RIPPLY3: variants seen among roughly 807,000 people sequenced by gnomAD.
The protein encoded by RIPPLY3 is ripply transcriptional repressor 3, also known as protein ripply3.
Under a neutral mutation model 11.9 loss-of-function variants are expected in RIPPLY3, and 8 were observed. That is an observed-to-expected ratio of 0.67 (90% CI 0.40 to 1.21). The LOEUF is 1.21. Among genes scored for constraint, RIPPLY3 ranks in the 50% most tolerant of loss-of-function variants. RIPPLY3 has a pLI of 0.01. For missense variants in RIPPLY3, 271 were observed against 246.0 expected (o/e 1.10, Z -0.68); for synonymous variants, 102 against 99.0 (o/e 1.03, Z -0.18).
At chr21:37,012,610 T>C (rs926690170) in intron 2 of RIPPLY3, among the ~76,000 whole-genome samples, 3 of 152,070 alleles carry the variant, frequency 2.0e-5, no homozygotes, top group African/African-American at 4.8e-5. Flanking sequence ...CTCCAAGCCC[T>C]TTCTATACCA....
chr21:37,008,886 C>T (rs1236227960), intron 2 of RIPPLY3, among the ~76,000 whole-genome samples: 2 of 151,956 alleles, frequency 1.3e-5, no homozygotes, highest in African/African-American at 4.8e-5. Context: ...TATCGCTTGC[C>T]TTGGAGAAAA....
chr21:37,018,214 C>A lies in RIPPLY3; in HGVS notation c.*7C>A. On this transcript the variant is annotated 3_prime_UTR_variant, in exon 4 of 4. Coordinates refer to ENST00000329553, the MANE Select transcript of RIPPLY3 (RefSeq NM_018962.3). ...GTGCTCCTCATCCAAATGAATCAGT[C>A]TCTGTCTCCTGGGCCCTGCTCTGGG... The A allele has an allele frequency of 6.2e-7, 1 of 1,609,258 alleles. No individual in the cohort carries two copies. Among genetic ancestry groups the A allele is most frequent in the East Asian group, 2.2e-5 (1 of 44,864 alleles).
At chr21:37,006,464 C>G (rs909320044), upstream of RIPPLY3, 7 of 263,264 alleles carry the variant, frequency 2.7e-5, no homozygotes, top group African/African-American at 1.6e-4. This position sits in a 1 kb window ranked among gnomAD's most constrained non-coding sequence, Gnocchi z 5.2. Flanking sequence ...CCGGACCCCC[C>G]TCCTTGACAC....
upstream of RIPPLY3, chr21:37,006,603 C>A (rs2069465483): frequency 2.6e-6 from 1 of 379,836 alleles, no homozygotes; most frequent in Non-Finnish European, 4.6e-6. This position sits in a 1 kb window ranked among gnomAD's most constrained non-coding sequence, Gnocchi z 5.2. Context: ...CGGCCCCCTC[C>A]GCACCCCTCA....
intron 3 of RIPPLY3, among the ~76,000 whole-genome samples, chr21:37,016,332 C>A (rs1156789146): frequency 6.6e-6 from 1 of 151,954 alleles, no homozygotes; most frequent in East Asian, 1.9e-4. Flanking sequence ...GCCAAATGTC[C>A]CCTCGAGGTC....
rs925532150 is a variant in RIPPLY3 at position 37,018,773 on chromosome 21, A to G, written c.*566A>G. 1 of 152,122 alleles carries G rather than the reference A, an allele frequency of 6.6e-6. No individual in the cohort carries two copies. Among genetic ancestry groups the G allele is most frequent in the African/African-American group, 2.4e-5 (1 of 41,338 alleles). The allele number at this position is 152,122 out of a possible 1,614,324, so 9.4% of individuals were successfully genotyped here. On this transcript the variant is annotated 3_prime_UTR_variant, in exon 4 of 4. Coordinates refer to ENST00000329553, the MANE Select transcript of RIPPLY3 (RefSeq NM_018962.3). The stretch of plus-strand genomic sequence containing the variant: ...AGTGACACAATCTCGGCTCACTGCA[A>G]CCTCCACTTCTTGGGTTCAAGTGAT...
chr21:37,006,809 C>T lies in RIPPLY3; in HGVS notation c.37C>T (p.Arg13Trp). The change falls in exon 1 of 4, where the codon CGG (arginine) becomes TGG (tryptophan). Residue 13 changes from arginine to tryptophan, a missense_variant. By Grantham distance (101) the Arg-to-Trp change is moderately radical. Transcript: ENST00000329553. This position sits in a 1 kb window ranked among gnomAD's most constrained non-coding sequence, Gnocchi z 5.2. ...AGCGGCGGCCGGAGCCCGGAAGGCGCGGGGGCGCGGCTGTCACTGCCCCGG... is the reference window on the plus strand; with the variant it reads ...AGCGGCGGCCGGAGCCCGGAAGGCGTGGGGGCGCGGCTGTCACTGCCCCGG... ...PEAAAGARKA[R>W]GRGCHCPGDA... 1 of 1,230,650 alleles carries T rather than the reference C, an allele frequency of 8.1e-7. No individual in the cohort carries two copies. The highest frequency in any genetic ancestry group is 1.0e-6 in the Non-Finnish European group (1 of 987,266). 76.2% of individuals were successfully genotyped at this position (1,230,650 alleles called of 1,614,324 possible).
At chr21:37,011,696 A>G (rs2843963) in intron 2 of RIPPLY3, among the ~76,000 whole-genome samples, 114,507 of 151,988 alleles carry the variant, frequency 0.75, 43,257 homozygotes, top group South Asian at 0.79. Context: ...GCCGGGCGCG[A>G]TGTCTCACGC....
chr21:37,013,682 T>C, intron 3 of RIPPLY3, 64 bp downstream of exon 3: 1 of 1,192,766 alleles, frequency 8.4e-7, no homozygotes, highest in Admixed American at 1.8e-5. Context: ...TAATATGCTT[T>C]AGTGTCTTCA....
intron 3 of RIPPLY3, among the ~76,000 whole-genome samples, chr21:37,016,032 A>G (rs149647837): frequency 3.3e-5 from 5 of 152,202 alleles, no homozygotes; most frequent in African/African-American, 1.2e-4. Flanking sequence ...TTCTAAAGCC[A>G]ATCTCAGACA....
intron 3 of RIPPLY3, among the ~76,000 whole-genome samples, chr21:37,015,152 GTTTTGTTTTTGT>G (rs377507985): frequency 7.2e-5 from 11 of 151,936 alleles, no homozygotes; most frequent in African/African-American, 2.2e-4. Flanking sequence ...TCTGTTTTTT[GTTTTGTTTTTGT>G]TTTTGTTTTT....
At chr21:37,017,839 G>A (rs775713424) in intron 3 of RIPPLY3, 35 bp from the exon 4 acceptor site, 1 of 1,547,684 alleles carries the variant, frequency 6.5e-7, no homozygotes, top group Non-Finnish European at 8.8e-7. Context: ...CGAGGTTCAG[G>A]TTGATTAATG....
intron 2 of RIPPLY3, 139 bp from the exon 3 acceptor site, chr21:37,013,412 A>G (rs1229480997): frequency 3.4e-6 from 2 of 595,348 alleles, no homozygotes; most frequent in South Asian, 2.6e-5. Flanking sequence ...TCGAATACTG[A>G]TAAGGTGTCT....
intron 2 of RIPPLY3, among the ~76,000 whole-genome samples, chr21:37,008,961 T>G (rs568061852): frequency 6.6e-6 from 1 of 151,970 alleles, no homozygotes; most frequent in South Asian, 2.1e-4. Context: ...CCATCTGAGG[T>G]GCCCAGAGTT....
intron 3 of RIPPLY3, among the ~76,000 whole-genome samples, chr21:37,015,875 A>ATTTT (rs1213665501): frequency 9.8e-5 from 12 of 121,976 alleles, no homozygotes; most frequent in South Asian, 5.7e-4. Flanking sequence ...CACCCAGCTA[A>ATTTT]TTTTTTTTTT....
rs1477510809 is a variant in RIPPLY3 at position 37,006,843 on chromosome 21, C to T, written c.71C>T (p.Pro24Leu). Residue 24 changes from proline to leucine, a missense_variant, in exon 1 of 4, where the codon CCC becomes CTC. Transcript: ENST00000329553. This position sits in a 1 kb window ranked among gnomAD's most constrained non-coding sequence, Gnocchi z 5.2. ...GRGCHCPGDAPWRPPPPRGPE... is the reference protein window; with the variant it reads ...GRGCHCPGDALWRPPPPRGPE... ...GGCTGTCACTGCCCCGGGGACGCTC[C>T]CTGGAGGCCTCCGCCACCGCGCGGG... 3.3e-6 allele frequency: 4 copies of T among 1,223,756 alleles called. No individual in the cohort carries two copies. Among genetic ancestry groups the T allele is most frequent in the Non-Finnish European group, 4.1e-6 (4 of 982,816 alleles). 75.8% of individuals were successfully genotyped at this position (1,223,756 alleles called of 1,614,324 possible).
At chr21:37,017,166 A>AT (rs2069587689) in intron 3 of RIPPLY3, among the ~76,000 whole-genome samples, 2 of 151,866 alleles carry the variant, frequency 1.3e-5, no homozygotes, top group Non-Finnish European at 2.9e-5. Context: ...AAAAAAAAAA[A>AT]AAAAGATTAC....
chr21:37,010,078 C>A (rs928702195), intron 2 of RIPPLY3, among the ~76,000 whole-genome samples: 1 of 152,228 alleles, frequency 6.6e-6, no homozygotes, highest in Admixed American at 6.5e-5. Context: ...CAGGACAATT[C>A]CCCAGCTCCC....
chr21:37,017,862 C>A lies in RIPPLY3; in HGVS notation c.240-12C>A, dbSNP rs960475653. On this transcript the variant is annotated splice_polypyrimidine_tract_variant and intron_variant, in intron 3 of 3. Coordinates refer to ENST00000329553, the MANE Select transcript of RIPPLY3 (RefSeq NM_018962.3). The stretch of plus-strand genomic sequence containing the variant: ...AGGTTGATTAATGGTATATTTGTTT[C>A]TTAAATATTAGAGTCTATTTACCCA... 1 of 1,589,734 alleles carries A rather than the reference C, an allele frequency of 6.3e-7. No homozygotes were observed. The highest frequency in any genetic ancestry group is 8.6e-7 in the Non-Finnish European group (1 of 1,166,838).
Sources: gnomAD v4.1 joint callset for allele counts (sites outside exome capture counted in the v4.1 genomes callset) on GRCh38, gnomAD v4.1.1 for gene constraint, Gnocchi (gnomAD v3.1) non-coding constraint, MANE v1.5 for transcripts, NCBI Gene and HGNC (gene_info 2026-07-23, HGNC 2026-07-21) for gene names.